Variants in CT83 observed in about 807,000 individuals in gnomAD.
CT83 encodes the protein cancer/testis antigen 83, also known as kita-kyushu lung cancer antigen 1.
Under a neutral mutation model 1.7 loss-of-function variants are expected in CT83, and 3 were observed. The observed-to-expected ratio is 1.76, with a 90% CI of 0.80 to 4.55. The LOEUF is 4.55. CT83 is among the 30% of genes most tolerant of loss of function. The pLI is 0.02. For missense variants in CT83, 80 were observed against 84.8 expected, an observed-to-expected ratio of 0.94 and a Z score of 0.22; for synonymous variants, 35 against 33.0, an observed-to-expected ratio of 1.06 and a Z score of -0.20.
intron 1 of CT83, 89 bp downstream of exon 1, chrX:116,462,693 C>T (rs1602518664): frequency 1.1e-6 from 1 of 917,839 alleles, no homozygotes; most frequent in East Asian, 3.1e-5. Context: ...TCTCATTTTA[C>T]TGTATTTTAC....
intron 1 of CT83, among the ~76,000 whole-genome samples, 158 bp downstream of exon 1, chrX:116,462,624 C>T (rs782247604): frequency 9.0e-6 from 1 of 110,957 alleles, no homozygotes; most frequent in East Asian, 2.9e-4. Flanking sequence ...CGGGAGTAAG[C>T]GGTAAAAGTC....
rs1928077516 is a variant in CT83, at chrX:116,462,067, CGA to C, written c.76-62_76-61del. The C allele has an allele frequency of 3.3e-6, 3 of 897,450 alleles. No individual in the cohort carries two copies. In the African/African-American group the frequency reaches 1.0e-4, roughly 30 times the overall value. The allele number at this position is 897,450 out of a possible 1,213,427, so 74.0% of individuals were successfully genotyped here. The stretch of plus-strand genomic sequence containing the variant: ...TCGAATTAAGCAATTTCCAAACTAC[CGA>C]AAAACAACTTGTTTAATCTTGGTCA... On this transcript the variant is annotated intron_variant, in intron 1 of 1. Coordinates refer to ENST00000371894, the MANE Select transcript of CT83 (RefSeq NM_001017978.4).
Position 116,462,776 on chromosome X carries a change from CA to C in CT83, c.75+5del. ...TAATTCAAATCTCCCTTACATTCAC[CA>C]TTACCTGAAAGCGGCGATATTTCCA... On this transcript the variant is annotated splice_donor_5th_base_variant and intron_variant, in intron 1 of 1. Coordinates refer to ENST00000371894, the MANE Select transcript of CT83 (RefSeq NM_001017978.4). The C allele has an allele frequency of 8.3e-7, 1 of 1,208,905 alleles. No individual in the cohort carries two copies. Among genetic ancestry groups the C allele is most frequent in the Non-Finnish European group, 1.1e-6 (1 of 892,841 alleles).
rs781799727 is a variant in CT83, at chrX:116,462,787, AGCG to A, written c.67_69del (p.Arg23del). ...TCCCTTACATTCACCATTACCTGAA[AGCG>A]GCGATATTTCCAGAAGACAATCAAG... On this transcript the variant is annotated inframe_deletion, in exon 1 of 2. Transcript: ENST00000371894. 19 of 1,210,703 alleles carry A rather than the reference AGCG, an allele frequency of 1.6e-5. No homozygotes were observed. In the South Asian group the frequency reaches 3.2e-4, roughly 20 times the overall value.
At chrX:116,462,548 T>C (rs190446379) in intron 1 of CT83, among the ~76,000 whole-genome samples, 10 of 111,652 alleles carry the variant, frequency 9.0e-5, no homozygotes, top group Admixed American at 6.6e-4. Context: ...ACCATATTAC[T>C]TAGGGACTTG....
rs782784212 is a variant in CT83 at position 116,461,913 on chromosome X, A to G, written c.170T>C (p.Leu57Pro). The G allele has an allele frequency of 8.3e-7, 1 of 1,210,614 alleles. No homozygotes were observed. ...ATCCCGAGAGAGGTCGTAGACTGCA[A>G]GATTGTTGTCTGTATTGCTGTTAAT... ...GLINSNTDNNLAVYDLSRDIL... is the reference protein window; with the variant it reads ...GLINSNTDNNPAVYDLSRDIL... Residue 57 changes from leucine (L) to proline (P), a missense_variant, in exon 2 of 2, where the codon CTT (leucine) becomes CCT (proline). Transcript: ENST00000371894.
intron 1 of CT83, 99 bp downstream of exon 1, chrX:116,462,674 CCCCTTACCT>C (rs1283517512): frequency 1.2e-6 from 1 of 809,609 alleles, no homozygotes; most frequent in Non-Finnish European, 1.9e-6. Flanking sequence ...GAGGTGATCT[CCCCTTACCT>C]CTCATTTTAC....
intron 1 of CT83, 124 bp from the exon 2 acceptor site, chrX:116,462,131 A>C (rs2147394456): frequency 1.9e-6 from 1 of 539,772 alleles, no homozygotes; most frequent in South Asian, 3.4e-5. Flanking sequence ...TGTCGAGATT[A>C]AAAATGTATT....
rs781912973 is a variant in CT83, at chrX:116,461,736, C to T, written c.*5G>A. 33 of 1,207,452 alleles carry T rather than the reference C, an allele frequency of 2.7e-5. No individual in the cohort carries two copies. The highest frequency in any genetic ancestry group is 3.6e-5 in the Non-Finnish European group (32 of 893,578). ...TCCACCACTGGCATTACATCCTGTA[C>T]GCTTTTAGGTGGATTTCCGGTGAGG... On this transcript the variant is annotated 3_prime_UTR_variant, in exon 2 of 2. Transcript: ENST00000371894.
intron 1 of CT83, among the ~76,000 whole-genome samples, chrX:116,462,485 G>A (rs983797801): frequency 8.9e-6 from 1 of 111,739 alleles, no homozygotes; most frequent in African/African-American, 3.3e-5. Flanking sequence ...AGAGATGGTG[G>A]TGGGGAATGG....
In CT83 at chrX:116,461,824, C is replaced by T. The variant is rs1556695212; in HGVS notation, c.259G>A (p.Val87Met). Reference protein sequence around the residue: ...QKRILVNLSMVENKLVELEHT... With the variant: ...QKRILVNLSMMENKLVELEHT... ...TCCAGTTCAACCAGCTTGTTTTCCA[C>T]CATACTGAGGTTTACCAATATTCGC... The change falls in exon 2 of 2, where the codon GTG becomes ATG. Residue 87 changes from valine to methionine, a missense_variant. Transcript: ENST00000371894. 2.5e-6 allele frequency: 3 copies of T among 1,210,565 alleles called. No homozygotes were observed. The highest frequency in any genetic ancestry group is 4.4e-5 in the Admixed American group (2 of 45,971).
chrX:116,462,782 CTG>C lies in CT83; in HGVS notation c.73_74del (p.Gln25GlufsTer25). On this transcript the variant is annotated frameshift_variant and splice_region_variant, in exon 1 of 2. Transcript: ENST00000371894. LOFTEE classifies it low-confidence loss of function (END_TRUNC). ...LIVFWKYRRFQRNTGEMSSNS... is the reference protein window; with the variant it reads ...LIVFWKYRRFXRNTGEMSSNS... Reference sequence around the variant, plus strand: ...AAATCTCCCTTACATTCACCATTACCTGAAAGCGGCGATATTTCCAGAAGACA... The same window carrying C: ...AAATCTCCCTTACATTCACCATTACCAAAGCGGCGATATTTCCAGAAGACA... The C allele has an allele frequency of 8.3e-7, 1 of 1,210,237 alleles. No individual in the cohort carries two copies. Among genetic ancestry groups the C allele is most frequent in the Non-Finnish European group, 1.1e-6 (1 of 894,103 alleles).
Position 116,461,989 on chromosome X carries a change from A to C in CT83, c.94T>G (p.Ser32Ala). ...AGTGCAAGAGCAGTTGAATTTGATG[A>C]CATTTCGCCAGTGTTTCTCTGTAAA... ...RRFQRNTGEM[S>A]SNSTALALVR... Residue 32 changes from serine to alanine, a missense_variant, in exon 2 of 2, where the codon TCA becomes GCA. Physicochemically the swap from Ser to Ala is moderately conservative, Grantham distance 99. Coordinates refer to ENST00000371894, the MANE Select transcript of CT83 (RefSeq NM_001017978.4). 1 of 1,209,531 alleles carries C rather than the reference A, an allele frequency of 8.3e-7. No homozygotes were observed. The highest frequency in any genetic ancestry group is 1.1e-6 in the Non-Finnish European group (1 of 893,619).
chrX:116,461,693 A>T lies in CT83; in HGVS notation c.*48T>A. The T allele has an allele frequency of 8.5e-7, 1 of 1,178,085 alleles. No homozygotes were observed. The highest frequency in any genetic ancestry group is 1.1e-6 in the Non-Finnish European group (1 of 870,505). ...AACACACAATCAAATGAATCTACTC[A>T]AAGTGTCTTTAATGATTTCCACCAC... On this transcript the variant is annotated 3_prime_UTR_variant, in exon 2 of 2. Transcript: ENST00000371894.
rs1556695235 is a variant in CT83, at chrX:116,461,983, T to G, written c.100A>C (p.Asn34His). ...FQRNTGEMSS[N>H]STALALVRPS... is the part of the protein sequence containing the mutation. ...CTCACTAGTGCAAGAGCAGTTGAAT[T>G]TGATGACATTTCGCCAGTGTTTCTC... The change falls in exon 2 of 2, where the codon AAT becomes CAT. Residue 34 changes from asparagine (N) to histidine (H), a missense_variant. Physicochemically the swap from Asn to His is moderately conservative, Grantham distance 68. Coordinates refer to ENST00000371894, the MANE Select transcript of CT83 (RefSeq NM_001017978.4). 3 of 1,208,123 alleles carry G rather than the reference T, an allele frequency of 2.5e-6. No homozygotes were observed. Among genetic ancestry groups the G allele is most frequent in the Admixed American group, 4.4e-5 (2 of 45,710 alleles).
At position 116,462,924 on chromosome X, in the gene CT83, G is replaced by A; in HGVS notation, c.-68C>T. On this transcript the variant is annotated 5_prime_UTR_variant, in exon 1 of 2. Transcript: ENST00000371894. ...TCAGCTGGTAGTTGGGAAGCAGTGGGCCTCTAGCCGCCTGGATTTGGGAAA... is the reference window on the plus strand; with the variant it reads ...TCAGCTGGTAGTTGGGAAGCAGTGGACCTCTAGCCGCCTGGATTTGGGAAA... 5.8e-6 allele frequency: 6 copies of A among 1,027,837 alleles called. No homozygotes were observed. The South Asian group carries it at 9.8e-5, about 17-fold the overall frequency. The allele number at this position is 1,027,837 out of a possible 1,213,427, so 84.7% of individuals were successfully genotyped here.
In CT83 at chrX:116,462,839, G is replaced by T; in HGVS notation, c.18C>A (p.Leu6=). The change falls in exon 1 of 2, where the codon CTC becomes CTA. Residue 6 remains leucine (L), a synonymous_variant. Transcript: ENST00000371894. ...AGGCACACAGAATGCTGCTCGCTAGGAGTAAATAGAAGTTCATGTTTCCTC... is the reference window on the plus strand; with the variant it reads ...AGGCACACAGAATGCTGCTCGCTAGTAGTAAATAGAAGTTCATGTTTCCTC... MNFYL[L]LASSILCALI... 8.3e-7 allele frequency: 1 copy of T among 1,211,295 alleles called. No individual in the cohort carries two copies. Among genetic ancestry groups the T allele is most frequent in the Admixed American group, 2.2e-5 (1 of 46,040 alleles).
At chrX:116,462,291 G>A (rs181841888) in intron 1 of CT83, among the ~76,000 whole-genome samples, 1 of 111,478 alleles carries the variant, frequency 9.0e-6, no homozygotes, top group Admixed American at 9.5e-5. Flanking sequence ...ATGAACCCTT[G>A]TCTTTGACTC....
chrX:116,462,865 T>C lies in CT83; in HGVS notation c.-9A>G, dbSNP rs1556695303. 8.3e-7 allele frequency: 1 copy of C among 1,207,967 alleles called. No individual in the cohort carries two copies. The highest frequency in any genetic ancestry group is 1.8e-5 in the South Asian group (1 of 56,844). ...AGTAAATAGAAGTTCATGTTTCCTC[T>C]TCGGCCTCTTCTCCCTTCTCGGGAC... On this transcript the variant is annotated 5_prime_UTR_variant, in exon 1 of 2. Transcript: ENST00000371894.
Sources: allele counts gnomAD v4.1 joint callset (sites outside exome capture counted in the v4.1 genomes callset), GRCh38; gene constraint gnomAD v4.1.1; transcripts MANE v1.5; gene names NCBI Gene and HGNC (gene_info 2026-07-23, HGNC 2026-07-21).